ADCY8: variants seen among roughly 807,000 people sequenced by gnomAD.
ADCY8 encodes the protein adenylate cyclase 8.
A neutral mutation model predicts 119.7 loss-of-function variants in ADCY8; 51 were observed. The observed-to-expected ratio is 0.43, with a 90% CI of 0.34 to 0.54. The LOEUF is 0.54. Ranked by LOEUF, ADCY8 falls within the 20% of genes least tolerant of loss-of-function variation. The pLI, the probability that ADCY8 is intolerant of heterozygous loss-of-function variation, is 0.03. For synonymous variants in ADCY8, 665 were observed against 651.0 expected, an observed-to-expected ratio of 1.02 and a Z score of -0.33; for missense variants, 1,383 against 1,598.8, an observed-to-expected ratio of 0.87 and a Z score of 2.30.
At chr8:130,996,530 A>G (rs1822780514) in intron 1 of ADCY8, among the ~76,000 whole-genome samples, 1 of 152,162 alleles carries the variant, frequency 6.6e-6, no homozygotes, top group African/African-American at 2.4e-5. Flanking sequence ...ATAGAAACAG[A>G]CAATAAAAAT....
At chr8:130,866,163 G>A (rs1456840724) in intron 9 of ADCY8, among the ~76,000 whole-genome samples, 1 of 151,944 alleles carries the variant, frequency 6.6e-6, no homozygotes, top group Non-Finnish European at 1.5e-5. Context: ...TAGTCCATGA[G>A]GTTTTTGGTT....
chr8:130,996,053 T>C (rs542752973), intron 1 of ADCY8, among the ~76,000 whole-genome samples: 2 of 152,226 alleles, frequency 1.3e-5, no homozygotes, highest in South Asian at 4.1e-4. Context: ...TTATCATTTA[T>C]AAAATATGCC....
chr8:130,990,394 T>A lies in ADCY8; in HGVS notation c.1109A>T (p.Gln370Leu). The change falls in exon 2 of 18, where the codon CAG becomes CTG. Residue 370 changes from glutamine to leucine, a missense_variant and splice_region_variant. Coordinates refer to ENST00000286355, the MANE Select transcript of ADCY8 (RefSeq NM_001115.3). Reference protein sequence around the residue: ...RLRLETENQRQERLVLSVLPR... With the variant: ...RLRLETENQRLERLVLSVLPR... ...ACACACAGCCTTGTCAGTTGGTACC[T>A]GTCTTTGGTTCTCTGTCTCCAGGCG... 6.2e-7 allele frequency: 1 copy of A among 1,614,016 alleles called. No individual in the cohort carries two copies. Among genetic ancestry groups the A allele is most frequent in the Non-Finnish European group, 8.5e-7 (1 of 1,179,962 alleles).
intron 7 of ADCY8, among the ~76,000 whole-genome samples, chr8:130,889,436 A>G (rs1051117987): frequency 6.6e-6 from 1 of 152,162 alleles, no homozygotes; most frequent in Admixed American, 6.6e-5. Flanking sequence ...TAAACTCTGC[A>G]TCTTCCAAAC....
chr8:130,885,031 G>A (rs1223657201), intron 7 of ADCY8, among the ~76,000 whole-genome samples: 1 of 152,142 alleles, frequency 6.6e-6, no homozygotes, highest in Non-Finnish European at 1.5e-5. Flanking sequence ...TGTTGGCTTA[G>A]AAATGTTAAT....
chr8:130,809,360 A>G (rs1031551048), intron 14 of ADCY8, among the ~76,000 whole-genome samples: 4 of 152,188 alleles, frequency 2.6e-5, no homozygotes, highest in African/African-American at 9.6e-5. Context: ...CCTACCTCCT[A>G]TTACACATTG....
intron 1 of ADCY8, among the ~76,000 whole-genome samples, chr8:130,993,491 C>T (rs1235532097): frequency 6.6e-6 from 1 of 152,146 alleles, no homozygotes; most frequent in Non-Finnish European, 1.5e-5. Flanking sequence ...TTGGCTGTGT[C>T]CCTACCAAAA....
At chr8:130,997,240 TATAC>T (rs1385464010) in intron 1 of ADCY8, among the ~76,000 whole-genome samples, 630 of 52,538 alleles carry the variant, frequency 0.012, 5 homozygotes, top group African/African-American at 0.03. Context: ...TATATATACA[TATAC>T]ATATATACAT....
intron 11 of ADCY8, among the ~76,000 whole-genome samples, chr8:130,845,640 T>A (rs1390790139): frequency 2.0e-5 from 3 of 152,118 alleles, no homozygotes; most frequent in Admixed American, 6.5e-5. Context: ...TACACTAAGC[T>A]GGGACTCCAC....
intron 14 of ADCY8, among the ~76,000 whole-genome samples, chr8:130,802,560 T>G (rs892770053): frequency 1.3e-5 from 2 of 152,220 alleles, no homozygotes; most frequent in African/African-American, 4.8e-5. Context: ...GCTCACACAC[T>G]GAAGCATGAC....
intron 16 of ADCY8, 147 bp from the exon 17 acceptor site, chr8:130,783,952 C>G: frequency 3.3e-6 from 2 of 604,442 alleles, no homozygotes; most frequent in South Asian, 4.1e-5. Context: ...CCTCTACACT[C>G]AAGTCACTGG....
chr8:130,879,023 C>T (rs1425744230), intron 8 of ADCY8, among the ~76,000 whole-genome samples: 1 of 152,056 alleles, frequency 6.6e-6, no homozygotes, highest in Non-Finnish European at 1.5e-5. Context: ...TGAAATAATT[C>T]CAAATAAGTG....
chr8:130,933,014 C>G (rs1041518002), intron 5 of ADCY8, among the ~76,000 whole-genome samples: 1 of 152,100 alleles, frequency 6.6e-6, no homozygotes, highest in Non-Finnish European at 1.5e-5. Flanking sequence ...TGCCATCTTA[C>G]CAACAGAGCA....
chr8:130,975,747 T>C (rs1586622319), intron 2 of ADCY8, among the ~76,000 whole-genome samples: 1 of 152,186 alleles, frequency 6.6e-6, no homozygotes, highest in Non-Finnish European at 1.5e-5. Flanking sequence ...CCTGTCTAAC[T>C]CTATTGTCTA....
At chr8:130,999,857 T>C (rs1352357370) in intron 1 of ADCY8, among the ~76,000 whole-genome samples, 1 of 152,218 alleles carries the variant, frequency 6.6e-6, no homozygotes, top group Non-Finnish European at 1.5e-5. Flanking sequence ...GAACGATGTG[T>C]TGCAATCCAG....
At position 130,884,671 on chromosome 8, in the gene ADCY8, T is replaced by C; in HGVS notation, c.2002A>G (p.Asn668Asp). The part of the protein sequence containing the change: ...LHVQSGPEEI[N>D]KRIEHTIDLR... ...TCGATGGTATGTTCTATTCTCTTGTTAATTTCCTCAGGCCCAGACTGGACA... is the reference window on the plus strand; with the variant it reads ...TCGATGGTATGTTCTATTCTCTTGTCAATTTCCTCAGGCCCAGACTGGACA... The change falls in exon 8 of 18, where the codon AAC becomes GAC. Residue 668 changes from asparagine (N) to aspartate (D), a missense_variant. Around this residue, in one of 2 missense-constraint regions of ADCY8, gnomAD observed 928 missense variants for 1,163.5 expected, o/e 0.80. Coordinates refer to ENST00000286355, the MANE Select transcript of ADCY8 (RefSeq NM_001115.3). The C allele has an allele frequency of 6.2e-7, 1 of 1,613,940 alleles. No homozygotes were observed. Among genetic ancestry groups the C allele is most frequent in the South Asian group, 1.1e-5 (1 of 91,088 alleles).
intron 7 of ADCY8, among the ~76,000 whole-genome samples, chr8:130,896,985 A>G (rs1176012675): frequency 6.6e-6 from 1 of 152,120 alleles, no homozygotes; most frequent in African/African-American, 2.4e-5. Flanking sequence ...CAGTTTTGCT[A>G]TTGTTCAAAT....
intron 17 of ADCY8, among the ~76,000 whole-genome samples, chr8:130,783,238 T>C (rs1815141590): frequency 6.6e-6 from 1 of 152,186 alleles, no homozygotes; most frequent in South Asian, 2.1e-4. Context: ...AGCCTGTCCC[T>C]GGAAGTATAG....
Position 130,957,147 on chromosome 8 carries a change from A to G in ADCY8, c.1111-5149T>C, listed in dbSNP as rs565241428. Among the ~76,000 whole-genome samples, 4 of 152,302 alleles carry G rather than the reference A, an allele frequency of 2.6e-5. No individual in the cohort carries two copies. In the East Asian group the frequency reaches 7.7e-4, roughly 29 times the overall value. ...AAGGTGGGAAAGTTTGGAACTCCCT[A>G]GAGACTTGTTGAATGGCTTTGACCA... is the stretch of plus-strand genomic sequence containing the variant. On this transcript the variant is annotated intron_variant, in intron 2 of 17. Coordinates refer to ENST00000286355, the MANE Select transcript of ADCY8 (RefSeq NM_001115.3).
Sources: allele counts gnomAD v4.1 joint callset (sites outside exome capture counted in the v4.1 genomes callset), GRCh38; gene constraint gnomAD v4.1.1; regional missense constraint gnomAD v4.1.1; transcripts MANE v1.5; gene names NCBI Gene and HGNC (gene_info 2026-07-23, HGNC 2026-07-21).